The following AGAP1 variants were observed in gnomAD, a reference collection of about 807,000 sequenced individuals.
The protein encoded by AGAP1 is arf-GAP with GTPase, ANK repeat and PH domain-containing protein 1.
In AGAP1, 29 loss-of-function variants were observed where a neutral mutation model predicts 105.3. The ratio of observed to expected loss-of-function variants is 0.28; its 90% confidence interval spans 0.21 to 0.38. The LOEUF is 0.38. Ranked by LOEUF, AGAP1 falls within the 10% of genes least tolerant of loss-of-function variation. The probability of loss-of-function intolerance (pLI) is 1.00; values close to 1 mark genes in which losing one functional copy is unlikely to be tolerated. For synonymous variants in AGAP1, 509 were observed against 485.9 expected, an observed-to-expected ratio of 1.05 and a Z score of -0.63; for missense variants, 998 against 1,165.1, an observed-to-expected ratio of 0.86 and a Z score of 2.09.
rs900162369 is a variant in AGAP1, at chr2:236,012,840, A to G, written c.1646-23721A>G. 1.3e-5 allele frequency among the ~76,000 whole-genome samples: 2 copies of G among 152,032 alleles called. No homozygotes were observed. The highest frequency in any genetic ancestry group is 2.4e-5 in the African/African-American group (1 of 41,392). On this transcript the variant is annotated intron_variant, in intron 13 of 17. Coordinates refer to ENST00000304032, the MANE Select transcript of AGAP1 (RefSeq NM_001037131.3). This position sits in a 1 kb window ranked among gnomAD's most constrained non-coding sequence, Gnocchi z 4.9. ...GTCGCCCAGGCTGGAGTGCAGTGGT[A>G]CGATCTCAGCTCACTGCAACCTCCG...
At chr2:236,019,573 A>G (rs1349729) in intron 13 of AGAP1, among the ~76,000 whole-genome samples, 99,576 of 152,174 alleles carry the variant, frequency 0.65, 34,016 homozygotes, top group African/African-American at 0.85. Context: ...AAGGGCAGGC[A>G]TCAGCCCCAG....
chr2:235,604,259 T>G (rs950932999), intron 1 of AGAP1, among the ~76,000 whole-genome samples: 10 of 152,064 alleles, frequency 6.6e-5, no homozygotes, highest in Non-Finnish European at 1.3e-4. Context: ...GTGGGAAGAT[T>G]GCTTTACTCC....
intron 1 of AGAP1, among the ~76,000 whole-genome samples, chr2:235,638,688 A>G (rs1575017318): frequency 6.6e-6 from 1 of 152,164 alleles, no homozygotes; most frequent in East Asian, 1.9e-4. Flanking sequence ...TGCTTTCCAG[A>G]GAATAATAGC....
At chr2:235,581,417 T>C (rs1228822776) in intron 1 of AGAP1, among the ~76,000 whole-genome samples, 1 of 151,190 alleles carries the variant, frequency 6.6e-6, no homozygotes, top group Non-Finnish European at 1.5e-5. Flanking sequence ...TTTTTAAGAA[T>C]TCAATCATGA....
intron 1 of AGAP1, among the ~76,000 whole-genome samples, chr2:235,672,457 T>G (rs1009043721): frequency 6.6e-6 from 1 of 152,246 alleles, no homozygotes; most frequent in African/African-American, 2.4e-5. Context: ...ACATCTAGTT[T>G]TAACCTCCCT....
rs1039562126 is a variant in AGAP1, at chr2:236,005,807, C to G, written c.1646-30754C>G. ...GGGTGAAGTGCTATTTCCATCCTAT[C>G]CTGTCAAGGGTATATACCATCAACT... On this transcript the variant is annotated intron_variant, in intron 13 of 17. Coordinates refer to ENST00000304032, the MANE Select transcript of AGAP1 (RefSeq NM_001037131.3). The surrounding 1 kb of genome is among the most constrained non-coding windows in gnomAD (Gnocchi z 4.1). 6.6e-6 allele frequency among the ~76,000 whole-genome samples: 1 copy of G among 152,216 alleles called. No homozygotes were observed. The highest frequency in any genetic ancestry group is 1.5e-5 in the Non-Finnish European group (1 of 68,038).
intron 9 of AGAP1, among the ~76,000 whole-genome samples, chr2:235,839,073 T>A (rs538656466): frequency 6.6e-6 from 1 of 152,232 alleles, no homozygotes; most frequent in African/African-American, 2.4e-5. Context: ...GGATATTTCA[T>A]GTGACCGAGG....
chr2:235,755,057 C>T (rs941558859), intron 6 of AGAP1, among the ~76,000 whole-genome samples: 1 of 152,134 alleles, frequency 6.6e-6, no homozygotes, highest in African/African-American at 2.4e-5. Context: ...GGGTACCCAA[C>T]CGTTTGGATT....
rs2058831624 is a variant in AGAP1, at chr2:236,083,155, A to G, written c.2114+33874A>G. ...AGGCAACGAGCGAAATTCCATCTCA[A>G]AAAAAAAGAAAAAGAAAAGAGGCCT... On this transcript the variant is annotated intron_variant, in intron 16 of 17. Coordinates refer to ENST00000304032, the MANE Select transcript of AGAP1 (RefSeq NM_001037131.3). This position sits in a 1 kb window ranked among gnomAD's most constrained non-coding sequence, Gnocchi z 5.3. Among the ~76,000 whole-genome samples, 1 of 143,138 alleles carries G rather than the reference A, an allele frequency of 7.0e-6. No homozygotes were observed. Among genetic ancestry groups the G allele is most frequent in the Non-Finnish European group, 1.5e-5 (1 of 65,212 alleles). The allele number at this position is 143,138 out of a possible 152,430, so 93.9% of individuals were successfully genotyped here.
Position 235,794,621 on chromosome 2 carries a change from G to A in AGAP1, c.674-3138G>A, listed in dbSNP as rs186168700. ...CAAGTAGTTGGGATTACAGGCATGC[G>A]CCACCACATCCGGCTAATTTTTGTA... On this transcript the variant is annotated intron_variant, in intron 6 of 17. Transcript: ENST00000304032. 1.4e-4 allele frequency among the ~76,000 whole-genome samples: 21 copies of A among 152,226 alleles called. No homozygotes were observed. In the East Asian group the frequency reaches 3.5e-3, roughly 25 times the overall value.
chr2:235,824,016 A>G lies in AGAP1; in HGVS notation c.1050+16685A>G, dbSNP rs901018331. Among the ~76,000 whole-genome samples the G allele has an allele frequency of 5.9e-5, 9 of 152,238 alleles. No homozygotes were observed. The highest frequency in any genetic ancestry group is 2.2e-4 in the African/African-American group (9 of 41,462). On this transcript the variant is annotated intron_variant, in intron 9 of 17. Transcript: ENST00000304032. The surrounding 1 kb of genome is among the most constrained non-coding windows in gnomAD (Gnocchi z 5.2). ...ATTCAAACCCAGGTCTGCCTATCCTAAAACCAGTGGTCTTCACATTGAAGG... is the reference window on the plus strand; with the variant it reads ...ATTCAAACCCAGGTCTGCCTATCCTGAAACCAGTGGTCTTCACATTGAAGG...
rs767553347 is a variant in AGAP1 at position 235,930,813 on chromosome 2, T to C, written c.1373T>C (p.Leu458Pro). The C allele has an allele frequency of 3.1e-6, 5 of 1,614,028 alleles. No individual in the cohort carries two copies. In the African/African-American group the frequency reaches 6.7e-5, roughly 22 times the overall value. The change falls in exon 12 of 18, where the codon CTG becomes CCG. Residue 458 changes from leucine to proline, a missense_variant. By Grantham distance (98) the Leu-to-Pro change is moderately conservative (BLOSUM62 -3). Around this residue, in one of 3 missense-constraint regions of AGAP1, gnomAD observed 735 missense variants for 833.4 expected, o/e 0.88. Coordinates refer to ENST00000304032, the MANE Select transcript of AGAP1 (RefSeq NM_001037131.3). The surrounding 1 kb of genome is among the most constrained non-coding windows in gnomAD (Gnocchi z 7.9). Reference protein sequence around the residue: ...SGSQMASGISLVSFNSRPDGM... With the variant: ...SGSQMASGISPVSFNSRPDGM... Reference sequence around the variant, plus strand: ...TCTCAGATGGCAAGCGGCATCAGCCTGGTCTCCTTCAACAGCCGACCCGAC... The same window carrying C: ...TCTCAGATGGCAAGCGGCATCAGCCCGGTCTCCTTCAACAGCCGACCCGAC...
At chr2:235,565,196 AT>A (rs1382286792) in intron 1 of AGAP1, among the ~76,000 whole-genome samples, 1 of 139,476 alleles carries the variant, frequency 7.2e-6, no homozygotes, top group African/African-American at 2.7e-5. Context: ...AGCCAGGAGC[AT>A]CCTCCCAGGG....
intron 9 of AGAP1, among the ~76,000 whole-genome samples, chr2:235,857,719 A>G (rs919739876): frequency 6.6e-6 from 1 of 152,250 alleles, no homozygotes; most frequent in Admixed American, 6.5e-5. Context: ...TTCAAAGTCA[A>G]CTAGTGATGA....
intron 9 of AGAP1, among the ~76,000 whole-genome samples, chr2:235,817,081 C>T (rs1224268969): frequency 1.2e-4 from 18 of 152,166 alleles, no homozygotes; most frequent in Admixed American, 1.2e-3. Flanking sequence ...GCTTTGACAA[C>T]CAAACAAGCA....
intron 1 of AGAP1, among the ~76,000 whole-genome samples, chr2:235,637,173 T>C (rs1947031250): frequency 6.6e-6 from 1 of 152,178 alleles, no homozygotes; most frequent in South Asian, 2.1e-4. Flanking sequence ...ACGAGGCAGG[T>C]GCCACTGGTC....
intron 9 of AGAP1, among the ~76,000 whole-genome samples, chr2:235,818,240 A>G (rs777169026): frequency 6.6e-6 from 1 of 152,200 alleles, no homozygotes; most frequent in Non-Finnish European, 1.5e-5. Flanking sequence ...CACCAACCTA[A>G]GATACAACTT....
At position 235,865,415 on chromosome 2, in the gene AGAP1, G is replaced by A. The variant is rs1433222775; in HGVS notation, c.1051-17930G>A. 2.0e-5 allele frequency among the ~76,000 whole-genome samples: 3 copies of A among 152,200 alleles called. No homozygotes were observed. Among genetic ancestry groups the A allele is most frequent in the African/African-American group, 7.2e-5 (3 of 41,450 alleles). ...CAGTAACACGTGTGGCGCCGACCCC[G>A]CCGTGCGCAATCGGGGCTTTATACG... On this transcript the variant is annotated intron_variant, in intron 9 of 17. Coordinates refer to ENST00000304032, the MANE Select transcript of AGAP1 (RefSeq NM_001037131.3). The surrounding 1 kb of genome is among the most constrained non-coding windows in gnomAD (Gnocchi z 6.2).
In AGAP1 at chr2:236,034,243, C is replaced by T. The variant is rs58441502; in HGVS notation, c.1646-2318C>T. 1.1e-4 allele frequency among the ~76,000 whole-genome samples: 16 copies of T among 151,984 alleles called. No homozygotes were observed. The East Asian group carries it at 3.1e-3, about 29-fold the overall frequency. On this transcript the variant is annotated intron_variant, in intron 13 of 17. Coordinates refer to ENST00000304032, the MANE Select transcript of AGAP1 (RefSeq NM_001037131.3). ...GATGCAATGGCTCAGCCAGTACTTGCACGATATCATTGTAAGTCAGCCATG... is the reference window on the plus strand; with the variant it reads ...GATGCAATGGCTCAGCCAGTACTTGTACGATATCATTGTAAGTCAGCCATG...
Sources: gnomAD v4.1 joint callset for allele counts (sites outside exome capture counted in the v4.1 genomes callset) on GRCh38, gnomAD v4.1.1 for gene constraint, gnomAD v4.1.1 regional missense constraint, Gnocchi (gnomAD v3.1) non-coding constraint, MANE v1.5 for transcripts, NCBI Gene and HGNC (gene_info 2026-07-23, HGNC 2026-07-21) for gene names.